The following TRMT5 variants were observed in gnomAD, a reference collection of about 807,000 sequenced individuals.
TRMT5 encodes the protein tRNA (guanine(37)-N(1))-methyltransferase.
In TRMT5, 31 loss-of-function variants were observed where a neutral mutation model predicts 42.2. The ratio of observed to expected loss-of-function variants is 0.73; its 90% confidence interval spans 0.55 to 0.99. The LOEUF is 0.99. Among genes scored for constraint, TRMT5 ranks in the 50% least tolerant of loss-of-function variants. TRMT5 has a pLI of 0.00. For missense variants in TRMT5, 568 were observed against 595.0 expected, an observed-to-expected ratio of 0.95 and a Z score of 0.47; for synonymous variants, 198 against 209.6, an observed-to-expected ratio of 0.94 and a Z score of 0.48.
chr14:60,979,045 A>G (rs2036882907), intron 2 of TRMT5, among the ~76,000 whole-genome samples, 186 bp downstream of exon 2: 1 of 152,192 alleles, frequency 6.6e-6, no homozygotes, highest in Non-Finnish European at 1.5e-5. Context: ...GGAACTTGCT[A>G]TGACTAAAGA....
At chr14:60,976,459 G>C (rs190269069) in intron 3 of TRMT5, among the ~76,000 whole-genome samples, 2 of 152,312 alleles carry the variant, frequency 1.3e-5, no homozygotes, top group South Asian at 2.1e-4. Flanking sequence ...CAATTAACTG[G>C]CTTAATTATA....
chr14:60,975,786 C>G lies in TRMT5; in HGVS notation c.1133G>C (p.Arg378Thr). ...CATGACAACGTGCACAGAGGGTTTT[C>G]TTTCTTTTGACAGACCCAGCAGCTG... ...LMQLLGLSKERKPSVHVVMNL... is the reference protein window; with the variant it reads ...LMQLLGLSKETKPSVHVVMNL... The change falls in exon 4 of 5, where the codon AGA becomes ACA. Residue 378 changes from arginine (R) to threonine (T), a missense_variant. Physicochemically the swap from Arg to Thr is moderately conservative, Grantham distance 71. Transcript: ENST00000261249. 2 of 1,614,230 alleles carry G rather than the reference C, an allele frequency of 1.2e-6. No homozygotes were observed. Among genetic ancestry groups the G allele is most frequent in the African/African-American group, 2.7e-5 (2 of 75,060 alleles).
intron 1 of TRMT5, among the ~76,000 whole-genome samples, chr14:60,980,359 A>T (rs1001530692): frequency 3.3e-4 from 50 of 152,160 alleles, no homozygotes; most frequent in African/African-American, 1.1e-3. Context: ...GCAGTATTGC[A>T]CCCTCATTTT....
chr14:60,981,557 T>C, upstream of TRMT5: 1 of 1,529,500 alleles, frequency 6.5e-7, no homozygotes, highest in Non-Finnish European at 8.7e-7. Flanking sequence ...TTGGCGCAGT[T>C]ATGAACGTGA....
Position 60,979,510 on chromosome 14 carries a change from G to C in TRMT5, c.388C>G (p.Pro130Ala). 1 of 1,614,068 alleles carries C rather than the reference G, an allele frequency of 6.2e-7. No individual in the cohort carries two copies. The highest frequency in any genetic ancestry group is 8.5e-7 in the Non-Finnish European group (1 of 1,180,002). Residue 130 changes from proline (P) to alanine (A), a missense_variant, in exon 2 of 5, where the codon CCG becomes GCG. Transcript: ENST00000261249. ...RPGIRRVIED[P>A]EDKESRLIML... The stretch of plus-strand genomic sequence containing the variant: ...ATTAGTCTACTTTCTTTATCTTCCG[G>C]ATCTTCAATCACACGTCTTATGCCT...
At chr14:60,980,015 C>A in intron 1 of TRMT5, 129 bp from the exon 2 acceptor site, 1 of 1,034,400 alleles carries the variant, frequency 9.7e-7, no homozygotes, top group Non-Finnish European at 1.3e-6. Context: ...AGTATACTAT[C>A]TTTTCCAGAC....
chr14:60,981,171 GC>G, upstream of TRMT5: 2 of 1,533,530 alleles, frequency 1.3e-6, no homozygotes, highest in Non-Finnish European at 1.8e-6. Context: ...AGTACGGAAT[GC>G]CGGAAGGGCC....
chr14:60,975,129 G>C lies in TRMT5; in HGVS notation c.1510C>G (p.Gln504Glu). 2 of 1,609,704 alleles carry C rather than the reference G, an allele frequency of 1.2e-6. No homozygotes were observed. Among genetic ancestry groups the C allele is most frequent in the Middle Eastern group, 1.7e-4 (1 of 5,922 alleles). ...TAEAFSDEKT[Q>E]IVSNT ...TCCAATTAAGTGTTTGAAACAATTT[G>C]TGTTTTTTCGTCTGAAAAGGCTTCA... Residue 504 changes from glutamine to glutamate, a missense_variant, in exon 5 of 5, where the codon CAA (glutamine) becomes GAA (glutamate). Transcript: ENST00000261249.
rs538822935 is a variant in TRMT5 at position 60,971,619 on chromosome 14, G to A, written c.*3490C>T. On this transcript the variant is annotated 3_prime_UTR_variant, in exon 5 of 5. Coordinates refer to ENST00000261249, the MANE Select transcript of TRMT5 (RefSeq NM_020810.3). The stretch of plus-strand genomic sequence containing the variant: ...AAACCCAATGAAGTCCTCATCTGAT[G>A]CTCTGAACAGGGAAAGTTTAGAGGG... The A allele has an allele frequency of 9.0e-5, 17 of 189,912 alleles. No individual in the cohort carries two copies. Among genetic ancestry groups the A allele is most frequent in the Admixed American group, 1.8e-4 (3 of 16,314 alleles). The allele number at this position is 189,912 out of a possible 1,614,324, so 11.8% of individuals were successfully genotyped here.
At position 60,972,084 on chromosome 14, in the gene TRMT5, GAC is replaced by G. The variant is rs1464628942; in HGVS notation, c.*3023_*3024del. The G allele has an allele frequency of 3.0e-6, 1 of 330,520 alleles. No individual in the cohort carries two copies. Among genetic ancestry groups the G allele is most frequent in the East Asian group, 8.1e-5 (1 of 12,404 alleles). 20.5% of individuals were successfully genotyped at this position (330,520 alleles called of 1,614,324 possible). ...CCAGCTTCAGAGATATTCTATTAGT[GAC>G]ACATACCCCTTCCCCCAAAAACAAC... On this transcript the variant is annotated 3_prime_UTR_variant, in exon 5 of 5. Transcript: ENST00000261249.
rs2036821100 is a variant in TRMT5 at position 60,974,798 on chromosome 14, C to G, written c.*311G>C. 6.1e-6 allele frequency: 1 copy of G among 163,828 alleles called. No homozygotes were observed. The highest frequency in any genetic ancestry group is 1.9e-4 in the South Asian group (1 of 5,384). 10.1% of individuals were successfully genotyped at this position (163,828 alleles called of 1,614,324 possible). On this transcript the variant is annotated 3_prime_UTR_variant, in exon 5 of 5. Coordinates refer to ENST00000261249, the MANE Select transcript of TRMT5 (RefSeq NM_020810.3). ...GACAACTACAAAGTGGTGTTAATAC[C>G]TTCCTAGTTAGTACTCAATCACCCT...
At chr14:60,980,119 G>C (rs2036925817) in intron 1 of TRMT5, among the ~76,000 whole-genome samples, 1 of 152,078 alleles carries the variant, frequency 6.6e-6, no homozygotes, top group Non-Finnish European at 1.5e-5. Context: ...AGTTCAGAGG[G>C]CTTAGTGATC....
chr14:60,979,595 C>T lies in TRMT5; in HGVS notation c.303G>A (p.Val101=), dbSNP rs374903060. The T allele has an allele frequency of 2.2e-5, 35 of 1,614,020 alleles. No homozygotes were observed. Among genetic ancestry groups the T allele is most frequent in the Non-Finnish European group, 2.8e-5 (33 of 1,180,030 alleles). Reference sequence around the variant, plus strand: ...TCAATTTACTGACTATTTCTTTCCTCACTTTAAGCACTGGAATGTTGACTG... The same window carrying T: ...TCAATTTACTGACTATTTCTTTCCTTACTTTAAGCACTGGAATGTTGACTG... ...KKTVNIPVLK[V]RKEIVSKLMR... Residue 101 remains valine (V), a synonymous_variant, in exon 2 of 5, where the codon GTG becomes GTA. Transcript: ENST00000261249.
At position 60,972,082 on chromosome 14, in the gene TRMT5, G is replaced by A; in HGVS notation, c.*3027C>T. The A allele has an allele frequency of 3.0e-6, 1 of 332,722 alleles. No homozygotes were observed. The highest frequency in any genetic ancestry group is 5.8e-6 in the Non-Finnish European group (1 of 171,358). The allele number at this position is 332,722 out of a possible 1,614,324, so 20.6% of individuals were successfully genotyped here. ...ATCCAGCTTCAGAGATATTCTATTA[G>A]TGACACATACCCCTTCCCCCAAAAA... On this transcript the variant is annotated 3_prime_UTR_variant, in exon 5 of 5. Transcript: ENST00000261249.
Position 60,979,531 on chromosome 14 carries a change from T to A in TRMT5, c.367A>T (p.Ile123Leu), listed in dbSNP as rs1371877797. The A allele has an allele frequency of 6.2e-7, 1 of 1,614,092 alleles. No homozygotes were observed. The highest frequency in any genetic ancestry group is 8.5e-7 in the Non-Finnish European group (1 of 1,180,030). ...TCCGGATCTTCAATCACACGTCTTATGCCTGGGCGCTGCAATGCTGCCCTT... is the reference window on the plus strand; with the variant it reads ...TCCGGATCTTCAATCACACGTCTTAAGCCTGGGCGCTGCAATGCTGCCCTT... ...LKRAALQRPG[I>L]RRVIEDPEDK... Residue 123 changes from isoleucine to leucine, a missense_variant, in exon 2 of 5, where the codon ATA (isoleucine) becomes TTA (leucine). Coordinates refer to ENST00000261249, the MANE Select transcript of TRMT5 (RefSeq NM_020810.3).
chr14:60,974,766 C>A lies in TRMT5; in HGVS notation c.*343G>T, dbSNP rs191739226. 1.3e-5 allele frequency: 2 copies of A among 155,120 alleles called. No homozygotes were observed. Among genetic ancestry groups the A allele is most frequent in the East Asian group, 3.8e-4 (2 of 5,314 alleles). The allele number at this position is 155,120 out of a possible 1,614,324, so 9.6% of individuals were successfully genotyped here. On this transcript the variant is annotated 3_prime_UTR_variant, in exon 5 of 5. Transcript: ENST00000261249. Reference sequence around the variant, plus strand: ...TTAATTGGCAGTAAAGGAGTAGTTACGTAAAGGACAACTACAAAGTGGTGT... The same window carrying A: ...TTAATTGGCAGTAAAGGAGTAGTTAAGTAAAGGACAACTACAAAGTGGTGT...
Position 60,975,998 on chromosome 14 carries a change from A to C in TRMT5, c.921T>G (p.Ala307=). ...KPGDVLFDVF[A]GVGPFAIPVA... is the part of the protein sequence containing the mutation. ...CTGGAATGGCAAAGGGCCCAACCCC[A>C]GCAAAAACATCAAATAGGACATCCC... is the stretch of plus-strand genomic sequence containing the variant. The change falls in exon 4 of 5, where the codon GCT becomes GCG. Residue 307 remains alanine (A), a synonymous_variant. Transcript: ENST00000261249. The C allele has an allele frequency of 6.2e-7, 1 of 1,614,244 alleles. No individual in the cohort carries two copies. The highest frequency in any genetic ancestry group is 2.2e-5 in the East Asian group (1 of 44,888).
rs537755150 is a variant in TRMT5 at position 60,972,013 on chromosome 14, G to A, written c.*3096C>T. 7.8e-6 allele frequency: 2 copies of A among 257,012 alleles called. No individual in the cohort carries two copies. Among genetic ancestry groups the A allele is most frequent in the Non-Finnish European group, 1.5e-5 (2 of 131,296 alleles). The allele number at this position is 257,012 out of a possible 1,614,324, so 15.9% of individuals were successfully genotyped here. A position where few individuals can be genotyped will look rare whatever the true frequency, so the allele number is the denominator to read the frequency against. ...AATCCCTCCTCCTGGGAGCCAAGAG[G>A]AAGTCTCTCAAAACTAGAAGGGAAA... On this transcript the variant is annotated 3_prime_UTR_variant, in exon 5 of 5. Transcript: ENST00000261249.
In TRMT5 at chr14:60,979,428, CTG is replaced by C; in HGVS notation, c.468_469del (p.Ser157CysfsTer6). On this transcript the variant is annotated frameshift_variant, in exon 2 of 5. Transcript: ENST00000261249. LOFTEE classifies it high-confidence loss of function. ...ACTGACATTAAGCTGCTCTAAAACA[CTG>C]AGTTCTGCTTTCTCAAAGGAATCAT... The C allele has an allele frequency of 6.2e-7, 1 of 1,614,140 alleles. No homozygotes were observed. The highest frequency in any genetic ancestry group is 8.5e-7 in the Non-Finnish European group (1 of 1,180,022).
Sources: gnomAD v4.1 joint callset for allele counts (sites outside exome capture counted in the v4.1 genomes callset) on GRCh38, gnomAD v4.1.1 for gene constraint, MANE v1.5 for transcripts, NCBI Gene and HGNC (gene_info 2026-07-23, HGNC 2026-07-21) for gene names.